The following GARIN1B variants were observed in gnomAD, a reference collection of about 807,000 sequenced individuals.
The protein encoded by GARIN1B is golgi associated RAB2 interactor 1B.
At chr7:128,724,045 C>G in the GARIN1B span, among the ~76,000 whole-genome samples, 2 of 152,356 alleles carry the variant, frequency 1.3e-5, no homozygotes, top group African/African-American at 4.8e-5. Flanking sequence ...GAGTCTCACT[C>G]TGTCGCCCAG....
At chr7:128,729,813 A>G in the GARIN1B span, 1 of 1,398,384 alleles carries the variant, frequency 7.2e-7, no homozygotes, top group Non-Finnish European at 1.0e-6. Context: ...TGCCTGGCAC[A>G]TCGTAAGCAC....
the GARIN1B span, among the ~76,000 whole-genome samples, chr7:128,711,199 T>G: frequency 6.6e-6 from 1 of 151,994 alleles, no homozygotes; most frequent in Non-Finnish European, 1.5e-5. Context: ...GGAGATCTCG[T>G]GATAGAGCTT....
At chr7:128,728,496 T>C in the GARIN1B span, among the ~76,000 whole-genome samples, 1 of 152,036 alleles carries the variant, frequency 6.6e-6, no homozygotes, top group African/African-American at 2.4e-5. Context: ...AAAGGTTAAC[T>C]TTTCTCTAAA....
At chr7:128,731,069 T>C in the GARIN1B span, 1 of 1,602,356 alleles carries the variant, frequency 6.2e-7, no homozygotes, top group Non-Finnish European at 8.6e-7. Flanking sequence ...ATTTATATCC[T>C]ATCAAACACT....
the GARIN1B span, chr7:128,713,942 A>C: frequency 6.6e-7 from 1 of 1,516,492 alleles, no homozygotes; most frequent in Non-Finnish European, 8.8e-7. Flanking sequence ...AGGGAAATGC[A>C]AACCAAAGGA....
the GARIN1B span, chr7:128,716,682 G>A: frequency 2.9e-6 from 2 of 689,762 alleles, no homozygotes; most frequent in Non-Finnish European, 4.7e-6. Flanking sequence ...TAGTGTGCAG[G>A]GCAGTATCCT....
At chr7:128,718,447 AAAAG>A in the GARIN1B span, among the ~76,000 whole-genome samples, 56 of 151,462 alleles carry the variant, frequency 3.7e-4, no homozygotes, top group South Asian at 5.0e-3. Context: ...AAAAAAAAAA[AAAAG>A]AAAGAAAGAA....
chr7:128,727,747 C>T, the GARIN1B span, among the ~76,000 whole-genome samples: 1 of 152,136 alleles, frequency 6.6e-6, no homozygotes, highest in Non-Finnish European at 1.5e-5. Flanking sequence ...CCCCCATCCA[C>T]TCCCTTCCCC....
At chr7:128,711,951 G>T in the GARIN1B span, among the ~76,000 whole-genome samples, 24 of 152,214 alleles carry the variant, frequency 1.6e-4, no homozygotes, top group African/African-American at 5.8e-4. Context: ...TGAGGCAGGA[G>T]AATCACTTGA....
the GARIN1B span, chr7:128,714,098 GA>G: frequency 1.3e-6 from 2 of 1,535,944 alleles, no homozygotes; most frequent in Non-Finnish European, 1.7e-6. Context: ...GGTGTGATCT[GA>G]ATGACCAGAG....
At chr7:128,724,968 A>G in the GARIN1B span, 1 of 998,482 alleles carries the variant, frequency 1.0e-6, no homozygotes, top group Non-Finnish European at 1.3e-6. Flanking sequence ...TCAGATCTGT[A>G]AAATGGAAAT....
At chr7:128,723,436 G>A in the GARIN1B span, 3 of 1,277,662 alleles carry the variant, frequency 2.3e-6, no homozygotes. Context: ...TACGTGACCA[G>A]GCACGGTGGC....
chr7:128,730,578 C>T, the GARIN1B span, among the ~76,000 whole-genome samples: 1 of 152,126 alleles, frequency 6.6e-6, no homozygotes, highest in African/African-American at 2.4e-5. Flanking sequence ...CTCTGTTTGA[C>T]CAGAGATAGA....
the GARIN1B span, among the ~76,000 whole-genome samples, chr7:128,727,620 C>T: frequency 6.6e-6 from 1 of 152,212 alleles, no homozygotes; most frequent in African/African-American, 2.4e-5. Flanking sequence ...CTTCCCCCAT[C>T]TCACCCATCT....
the GARIN1B span, among the ~76,000 whole-genome samples, chr7:128,723,895 G>C: frequency 1.3e-5 from 2 of 152,180 alleles, no homozygotes; most frequent in Non-Finnish European, 2.9e-5. Context: ...AGCAAGCATG[G>C]TGGGCTTGAC....
At chr7:128,721,896 A>G in the GARIN1B span, among the ~76,000 whole-genome samples, 19 of 152,310 alleles carry the variant, frequency 1.2e-4, no homozygotes, top group South Asian at 1.0e-3. Context: ...AATACAGTAT[A>G]TTACATGAAT....
the GARIN1B span, chr7:128,718,842 T>G: frequency 6.2e-7 from 1 of 1,613,794 alleles, no homozygotes. Context: ...ATTCTCCCAT[T>G]GAGGTTTGTG....
chr7:128,725,658 C>T, the GARIN1B span, among the ~76,000 whole-genome samples: 1 of 152,192 alleles, frequency 6.6e-6, no homozygotes, highest in South Asian at 2.1e-4. Context: ...AGGAGGGAGC[C>T]ACTGTGTCTG....
At chr7:128,716,779 A>C in the GARIN1B span, 1 of 1,561,324 alleles carries the variant, frequency 6.4e-7, no homozygotes, top group African/African-American at 1.4e-5. Context: ...GCTTTTGCCA[A>C]ATGCTCAGGT....
Sources: allele counts gnomAD v4.1 joint callset (sites outside exome capture counted in the v4.1 genomes callset), GRCh38; gene constraint gnomAD v4.1.1; transcripts MANE v1.5; gene names NCBI Gene and HGNC (gene_info 2026-07-23, HGNC 2026-07-21).